RTL4: variants seen among roughly 807,000 people sequenced by gnomAD.
RTL4 encodes the protein retrotransposon Gag-like protein 4.
Under a neutral mutation model 5.3 loss-of-function variants are expected in RTL4, and 4 were observed. The observed-to-expected ratio is 0.75, with a 90% CI of 0.37 to 1.72. The LOEUF (loss-of-function observed/expected upper bound fraction) is 1.72. Among genes scored for constraint, RTL4 ranks in the 40% most tolerant of loss-of-function variants. The probability of loss-of-function intolerance (pLI) is 0.04; values close to 1 mark genes in which losing one functional copy is unlikely to be tolerated. For synonymous variants in RTL4, 98 were observed against 87.3 expected, an observed-to-expected ratio of 1.12 and a Z score of -0.68; for missense variants, 260 against 227.1, an observed-to-expected ratio of 1.14 and a Z score of -0.93.
the RTL4 span, among the ~76,000 whole-genome samples, chrX:112,105,250 T>C: frequency 8.9e-6 from 1 of 112,015 alleles, no homozygotes; most frequent in Non-Finnish European, 1.9e-5. Flanking sequence ...TCGGTCTGTC[T>C]GTTTTTATGC....
the RTL4 span, among the ~76,000 whole-genome samples, chrX:112,168,470 G>A: frequency 9.0e-6 from 1 of 111,559 alleles, no homozygotes; most frequent in African/African-American, 3.3e-5. Flanking sequence ...GCATTCCCAG[G>A]AGGTGAAAGT....
the RTL4 span, among the ~76,000 whole-genome samples, chrX:112,121,332 A>G: frequency 3.2e-4 from 36 of 112,106 alleles, no homozygotes; most frequent in Non-Finnish European, 5.3e-4. Context: ...CTTATAATAC[A>G]GCAGAAATTA....
the RTL4 span, among the ~76,000 whole-genome samples, chrX:112,242,098 G>A: frequency 9.0e-6 from 1 of 111,652 alleles, no homozygotes; most frequent in African/African-American, 3.3e-5. Context: ...GGTTACTGTA[G>A]CCTTGTAGTA....
chrX:112,155,728 G>A, the RTL4 span, among the ~76,000 whole-genome samples: 6 of 111,622 alleles, frequency 5.4e-5, no homozygotes. Flanking sequence ...ATTGTTGCAA[G>A]TCTATGGTTA....
the RTL4 span, among the ~76,000 whole-genome samples, chrX:112,214,678 T>TTTTTG: frequency 2.0e-4 from 23 of 112,403 alleles, no homozygotes; most frequent in African/African-American, 6.1e-4. Context: ...TAACACTTGT[T>TTTTTG]TTTTGTTTTG....
chrX:112,098,087 C>A, the RTL4 span, among the ~76,000 whole-genome samples: 3 of 109,207 alleles, frequency 2.7e-5, no homozygotes, highest in African/African-American at 1.0e-4. Flanking sequence ...TTAGGTATAT[C>A]TCCTAATGCT....
chrX:112,218,417 C>T, the RTL4 span, among the ~76,000 whole-genome samples: 2 of 112,005 alleles, frequency 1.8e-5, no homozygotes, highest in East Asian at 5.7e-4. Context: ...TGCCTCATGC[C>T]CTTTCTCCAT....
At chrX:112,407,462 T>G in the RTL4 span, among the ~76,000 whole-genome samples, 1 of 111,738 alleles carries the variant, frequency 8.9e-6, no homozygotes, top group African/African-American at 3.3e-5. Context: ...ATCTTGTAGT[T>G]CGAGTGCCAC....
chrX:112,121,044 C>A, the RTL4 span, among the ~76,000 whole-genome samples: 12 of 111,467 alleles, frequency 1.1e-4, no homozygotes, highest in African/African-American at 3.9e-4. Context: ...GGGTACTGGG[C>A]TTAATACATG....
the RTL4 span, among the ~76,000 whole-genome samples, chrX:112,135,894 AC>A: frequency 4.8e-5 from 5 of 104,041 alleles, no homozygotes; most frequent in Non-Finnish European, 9.7e-5. Flanking sequence ...TATAATACAT[AC>A]ATATATATAT....
the RTL4 span, among the ~76,000 whole-genome samples, chrX:112,188,556 G>T: frequency 9.0e-6 from 1 of 111,564 alleles, no homozygotes; most frequent in African/African-American, 3.3e-5. Context: ...CCCTGAGGAG[G>T]TCTTACTTAG....
the RTL4 span, among the ~76,000 whole-genome samples, chrX:112,402,997 G>A: frequency 1.1e-4 from 12 of 111,562 alleles, no homozygotes; most frequent in East Asian, 2.0e-3. Flanking sequence ...TTTAGTATGC[G>A]GTATGAATAG....
chrX:112,306,913 G>A, the RTL4 span, among the ~76,000 whole-genome samples: 1 of 111,852 alleles, frequency 8.9e-6, no homozygotes, highest in Non-Finnish European at 1.9e-5. Context: ...TGAAAGATGA[G>A]GAGCTTGTCC....
chrX:112,446,873 G>A, the RTL4 span, among the ~76,000 whole-genome samples: 300 of 111,485 alleles, frequency 2.7e-3, 1 homozygote, highest in South Asian at 0.022. Flanking sequence ...AATAATAAAA[G>A]AAGAGATAGT....
At chrX:112,112,538 G>C in the RTL4 span, among the ~76,000 whole-genome samples, 1 of 112,309 alleles carries the variant, frequency 8.9e-6, no homozygotes, top group Non-Finnish European at 1.9e-5. Flanking sequence ...CTCTGGCTAA[G>C]ATTTGGCCTA....
chrX:112,377,308 A>G, the RTL4 span, among the ~76,000 whole-genome samples: 1 of 111,923 alleles, frequency 8.9e-6, no homozygotes, highest in South Asian at 3.7e-4. Context: ...AATGCATTTA[A>G]TACACCAAAC....
chrX:112,352,993 AC>A, the RTL4 span, among the ~76,000 whole-genome samples: 1 of 112,072 alleles, frequency 8.9e-6, no homozygotes, highest in Non-Finnish European at 1.9e-5. Context: ...AAGAAAAAAA[AC>A]AAACAACCCC....
chrX:112,376,541 G>C, the RTL4 span, among the ~76,000 whole-genome samples: 13 of 112,181 alleles, frequency 1.2e-4, no homozygotes, highest in African/African-American at 4.2e-4. Flanking sequence ...GAATGGCACT[G>C]ATTAGTGCCT....
chrX:112,138,491 T>C, the RTL4 span, among the ~76,000 whole-genome samples: 1 of 111,781 alleles, frequency 8.9e-6, no homozygotes, highest in Non-Finnish European at 1.9e-5. Flanking sequence ...GTAATGATGG[T>C]TTCACTAGAG....
Sources: allele counts gnomAD v4.1 joint callset (sites outside exome capture counted in the v4.1 genomes callset), GRCh38; gene constraint gnomAD v4.1.1; transcripts MANE v1.5; gene names NCBI Gene and HGNC (gene_info 2026-07-23, HGNC 2026-07-21).